Variants in LRP1B observed in about 807,000 individuals in gnomAD.
LRP1B encodes the protein LDL receptor related protein 1B, also known as low-density lipoprotein receptor-related protein 1B.
A neutral mutation model predicts 556.6 loss-of-function variants in LRP1B; 217 were observed. The ratio of observed to expected loss-of-function variants is 0.39; its 90% CI spans 0.35 to 0.44. The LOEUF is 0.44. LRP1B is among the 20% of genes least tolerant of loss of function. LRP1B has a pLI of 1.00. For missense variants in LRP1B, 5,053 were observed against 5,620.8 expected (o/e 0.90, Z 3.23); for synonymous variants, 2,047 against 1,865.8 (o/e 1.10, Z -2.50).
At chr2:141,415,353 C>T (rs970998761) in intron 3 of LRP1B, among the ~76,000 whole-genome samples, 3 of 151,970 alleles carry the variant, frequency 2.0e-5, no homozygotes, top group African/African-American at 7.2e-5. Flanking sequence ...TCTCACATGC[C>T]CCTTATTTTT....
At chr2:141,175,292 G>A (rs972806091) in intron 7 of LRP1B, among the ~76,000 whole-genome samples, 9 of 152,130 alleles carry the variant, frequency 5.9e-5, no homozygotes, top group African/African-American at 2.2e-4. Context: ...AAGTAAAGAG[G>A]AGCTGAATAT....
At chr2:141,749,615 C>A (rs1694038070) in intron 2 of LRP1B, among the ~76,000 whole-genome samples, 1 of 152,024 alleles carries the variant, frequency 6.6e-6, no homozygotes, top group Admixed American at 6.6e-5. Flanking sequence ...TATATATCTT[C>A]AATTAGTGTC....
chr2:141,472,187 G>C (rs1235929745), intron 3 of LRP1B, among the ~76,000 whole-genome samples: 1 of 152,134 alleles, frequency 6.6e-6, no homozygotes, highest in African/African-American at 2.4e-5. Flanking sequence ...ACAGATACCA[G>C]GTATACACAC....
At chr2:140,926,144 T>C (rs1444518417) in intron 20 of LRP1B, among the ~76,000 whole-genome samples, 1 of 147,776 alleles carries the variant, frequency 6.8e-6, no homozygotes, top group Non-Finnish European at 1.5e-5. Flanking sequence ...CATAAACAAC[T>C]GCATTATAAT....
intron 21 of LRP1B, among the ~76,000 whole-genome samples, chr2:140,920,757 T>G (rs13415312): frequency 0.044 from 6,677 of 152,092 alleles, 178 homozygotes; most frequent in Middle Eastern, 0.065. Flanking sequence ...TACCTTTCAC[T>G]TTTTCCTTTT....
chr2:141,167,141 T>C (rs1376765949), intron 7 of LRP1B: 2 of 151,952 alleles, frequency 1.3e-5, no homozygotes, highest in Non-Finnish European at 2.9e-5. Context: ...TACAAAAAGC[T>C]CCCATAAACC....
intron 1 of LRP1B, among the ~76,000 whole-genome samples, chr2:141,984,162 T>G (rs1165648062): frequency 4.0e-5 from 3 of 74,292 alleles, no homozygotes; most frequent in African/African-American, 1.3e-4. Flanking sequence ...AATATCTGAG[T>G]TTTTTTTAAA....
intron 1 of LRP1B, among the ~76,000 whole-genome samples, chr2:142,000,588 C>T (rs564470789): frequency 2.4e-4 from 37 of 152,178 alleles, no homozygotes; most frequent in Non-Finnish European, 1.0e-4. Flanking sequence ...AAAGCTAATA[C>T]AGGGAGAAGA....
intron 35 of LRP1B, among the ~76,000 whole-genome samples, chr2:140,724,404 G>A (rs2105481629): frequency 6.6e-6 from 1 of 152,178 alleles, no homozygotes; most frequent in South Asian, 2.1e-4. Context: ...TCCAATTTAT[G>A]AACAATAAAA....
chr2:141,001,847 T>C (rs1238761562), intron 15 of LRP1B, among the ~76,000 whole-genome samples: 1 of 152,144 alleles, frequency 6.6e-6, no homozygotes, highest in African/African-American at 2.4e-5. Context: ...AGTCATTCAA[T>C]TGGGCTAGCA....
At chr2:140,632,955 T>C (rs569247063) in intron 41 of LRP1B, among the ~76,000 whole-genome samples, 1 of 150,614 alleles carries the variant, frequency 6.6e-6, no homozygotes, top group African/African-American at 2.4e-5. Context: ...CCCAGCTACG[T>C]GGGAGGCTGA....
intron 6 of LRP1B, among the ~76,000 whole-genome samples, chr2:141,201,551 TTTTGA>T (rs141557613): frequency 0.012 from 1,820 of 152,258 alleles, 38 homozygotes; most frequent in African/African-American, 0.042. Flanking sequence ...TTAGATTACG[TTTTGA>T]TTTGTGTCCC....
chr2:140,321,237 T>G (rs749133384), intron 82 of LRP1B, among the ~76,000 whole-genome samples: 6 of 41,276 alleles, frequency 1.5e-4, no homozygotes, highest in Admixed American at 3.4e-4. Flanking sequence ...CTGTTTTGTG[T>G]TTTTTTTATT....
chr2:141,016,177 G>T (rs1344415543), intron 12 of LRP1B, among the ~76,000 whole-genome samples: 2 of 152,006 alleles, frequency 1.3e-5, no homozygotes, highest in Non-Finnish European at 2.9e-5. Flanking sequence ...ATGCATTAAT[G>T]AACCTGACAG....
chr2:140,847,141 T>C (rs1278349691), intron 29 of LRP1B, among the ~76,000 whole-genome samples: 3 of 152,140 alleles, frequency 2.0e-5, no homozygotes, highest in African/African-American at 7.2e-5. Flanking sequence ...GCTTCTGATA[T>C]CTCTTACTAG....
intron 2 of LRP1B, among the ~76,000 whole-genome samples, chr2:141,534,127 CA>C (rs962161361): frequency 3.9e-5 from 6 of 152,064 alleles, no homozygotes; most frequent in African/African-American, 1.4e-4. Context: ...AAGGAAATTG[CA>C]GAGGTAGTCC....
intron 7 of LRP1B, among the ~76,000 whole-genome samples, chr2:141,078,312 T>G (rs200347034): frequency 0.033 from 4,975 of 152,246 alleles, 94 homozygotes; most frequent in South Asian, 0.074. Context: ...CATTTTTTTT[T>G]TCCTTAAGAA....
chr2:141,047,089 T>C (rs112782900), intron 11 of LRP1B, among the ~76,000 whole-genome samples: 6,207 of 146,366 alleles, frequency 0.042, 206 homozygotes, highest in African/African-American at 0.093. Context: ...TAATAATAAA[T>C]GCAAGTGTCT....
At chr2:140,644,401 C>CTTTTTTTTTTTTTTTT in intron 41 of LRP1B, among the ~76,000 whole-genome samples, 1 of 132,862 alleles carries the variant, frequency 7.5e-6, no homozygotes, top group Admixed American at 7.7e-5. Flanking sequence ...TTTCTTTTTT[C>CTTTTTTTTTTTTTTTT]TTTTTTTTTT....
Sources: allele counts gnomAD v4.1 joint callset (sites outside exome capture counted in the v4.1 genomes callset), GRCh38; gene constraint gnomAD v4.1.1; transcripts MANE v1.5; gene names NCBI Gene and HGNC (gene_info 2026-07-23, HGNC 2026-07-21).